Variants in KCNJ6 observed in about 807,000 individuals in gnomAD.
KCNJ6 encodes the protein potassium inwardly rectifying channel subfamily J member 6, also known as G protein-activated inward rectifier potassium channel 2.
A neutral mutation model predicts 34.2 loss-of-function variants in KCNJ6; 9 were observed. The ratio of observed to expected loss-of-function variants is 0.26; its 90% CI spans 0.16 to 0.46. The LOEUF (loss-of-function observed/expected upper bound fraction) is 0.46. Ranked by LOEUF, KCNJ6 falls within the 20% of genes least tolerant of loss-of-function variation. KCNJ6 has a pLI of 1.00. For synonymous variants in KCNJ6, 196 were observed against 207.1 expected (o/e 0.95, Z 0.46); for missense variants, 236 against 531.3 (o/e 0.44, Z 5.46).
chr21:37,810,568 C>T (rs73206070), intron 2 of KCNJ6, among the ~76,000 whole-genome samples: 10,169 of 152,228 alleles, frequency 0.067, 436 homozygotes, highest in Middle Eastern at 0.11. Flanking sequence ...AATCTTGGCC[C>T]ATTTAACAGG....
At chr21:37,850,773 C>T (rs569498360) in intron 1 of KCNJ6, among the ~76,000 whole-genome samples, 226 of 152,142 alleles carry the variant, frequency 1.5e-3, no homozygotes, top group Non-Finnish European at 2.7e-3. Context: ...ATTACGGAGC[C>T]CCATGCAAAG....
chr21:37,670,524 G>A (rs746416133), intron 3 of KCNJ6, among the ~76,000 whole-genome samples: 16 of 152,120 alleles, frequency 1.1e-4, no homozygotes, highest in Admixed American at 5.2e-4. Context: ...CAGCACTTTG[G>A]GAGGCTGAGG....
At chr21:37,890,813 C>T (rs766665215) in intron 1 of KCNJ6, among the ~76,000 whole-genome samples, 15 of 152,086 alleles carry the variant, frequency 9.9e-5, no homozygotes, top group East Asian at 3.8e-4. Context: ...TGACTCTGCC[C>T]GCCTCCCCCG....
chr21:37,800,941 G>T (rs2055266220), intron 2 of KCNJ6, among the ~76,000 whole-genome samples: 1 of 152,186 alleles, frequency 6.6e-6, no homozygotes, highest in Non-Finnish European at 1.5e-5. Flanking sequence ...GAACTACAGG[G>T]AACTGGATGC....
At chr21:37,654,811 C>T (rs2054450107) in intron 3 of KCNJ6, among the ~76,000 whole-genome samples, 1 of 152,170 alleles carries the variant, frequency 6.6e-6, no homozygotes, top group Admixed American at 6.5e-5. Context: ...ATCCTGTCTG[C>T]ACAGCCCCTG....
At chr21:37,784,911 T>C (rs1241443378) in intron 2 of KCNJ6, among the ~76,000 whole-genome samples, 1 of 152,208 alleles carries the variant, frequency 6.6e-6, no homozygotes. Context: ...GTCAGCTCTT[T>C]GGAGCCTCAC....
At chr21:37,748,925 T>C (rs1346670429) in intron 2 of KCNJ6, among the ~76,000 whole-genome samples, 1 of 152,190 alleles carries the variant, frequency 6.6e-6, no homozygotes, top group East Asian at 1.9e-4. Context: ...GAGTGGTCTT[T>C]GCACTGTGCT....
At chr21:37,879,714 A>AGTGTGTGT (rs56736533) in intron 1 of KCNJ6, among the ~76,000 whole-genome samples, 58 of 143,378 alleles carry the variant, frequency 4.0e-4, no homozygotes, top group African/African-American at 8.1e-4. Flanking sequence ...CTTGAAATGA[A>AGTGTGTGT]GTGTGTGTGT....
chr21:37,915,107 G>A (rs1401726740), intron 1 of KCNJ6, among the ~76,000 whole-genome samples: 3 of 152,036 alleles, frequency 2.0e-5, no homozygotes, highest in Non-Finnish European at 4.4e-5. Context: ...CTTTTATTGG[G>A]TTTTGGGAAT....
intron 2 of KCNJ6, among the ~76,000 whole-genome samples, chr21:37,756,457 G>C (rs560167612): frequency 9.6e-4 from 146 of 152,306 alleles, no homozygotes; most frequent in African/African-American, 3.4e-3. Context: ...GCGCAGTCTG[G>C]GTGAGGGGTC....
intron 2 of KCNJ6, among the ~76,000 whole-genome samples, chr21:37,720,087 T>C (rs1245098983): frequency 1.5e-5 from 2 of 132,456 alleles, no homozygotes; most frequent in East Asian, 2.2e-4. Flanking sequence ...TGAATGTTAA[T>C]AGGGCAATTT....
chr21:37,789,037 CCA>C (rs1298839508), intron 2 of KCNJ6, among the ~76,000 whole-genome samples: 1 of 152,208 alleles, frequency 6.6e-6, no homozygotes, highest in African/African-American at 2.4e-5. Flanking sequence ...AGACTCTTTT[CCA>C]CAGTCTCCTC....
At chr21:37,664,794 T>TA (rs2054506260) in intron 3 of KCNJ6, among the ~76,000 whole-genome samples, 1 of 6,682 alleles carries the variant, frequency 1.5e-4, no homozygotes, top group Non-Finnish European at 2.4e-4. Context: ...GAATATTCCT[T>TA]TTTTTTTTTT....
At chr21:37,732,266 G>A (rs2054889318) in intron 2 of KCNJ6, among the ~76,000 whole-genome samples, 1 of 152,196 alleles carries the variant, frequency 6.6e-6, no homozygotes, top group African/African-American at 2.4e-5. Flanking sequence ...AGGGTGTGTG[G>A]GGCTGGCCAG....
rs2054229906 is a variant in KCNJ6, at chr21:37,607,908, T to C, written c.*17251A>G. 1 of 152,260 alleles carries C rather than the reference T, an allele frequency of 6.6e-6. No homozygotes were observed. The highest frequency in any genetic ancestry group is 6.5e-5 in the Admixed American group (1 of 15,290). The allele number at this position is 152,260 out of a possible 1,614,324, so 9.4% of individuals were successfully genotyped here. On this transcript the variant is annotated 3_prime_UTR_variant, in exon 4 of 4. Coordinates refer to ENST00000609713, the MANE Select transcript of KCNJ6 (RefSeq NM_002240.5). ...CCTTCTAAAATAAACTCTTGTTTTG[T>C]GATTTTGCTGGACACATGATGGTTT...
chr21:37,796,389 C>T (rs1053879507), intron 2 of KCNJ6, among the ~76,000 whole-genome samples: 3 of 152,176 alleles, frequency 2.0e-5, no homozygotes, highest in Non-Finnish European at 2.9e-5. Flanking sequence ...ATTTTGAAAG[C>T]GGCAAAGTGG....
intron 1 of KCNJ6, among the ~76,000 whole-genome samples, chr21:37,854,231 AAG>A (rs377467955): frequency 4.6e-5 from 7 of 152,204 alleles, no homozygotes; most frequent in African/African-American, 1.7e-4. Context: ...TGAAAGTAAA[AAG>A]ATGGAAAAAG....
intron 2 of KCNJ6, among the ~76,000 whole-genome samples, chr21:37,817,460 C>G (rs2055352224): frequency 6.6e-6 from 1 of 152,144 alleles, no homozygotes; most frequent in Non-Finnish European, 1.5e-5. Context: ...AATGAGGAAA[C>G]AGAGAGGTTA....
intron 1 of KCNJ6, among the ~76,000 whole-genome samples, chr21:37,855,104 A>G (rs563814325): frequency 2.4e-4 from 36 of 152,356 alleles, no homozygotes; most frequent in African/African-American, 8.4e-4. Context: ...GACCTCAACA[A>G]AAGAATTGAA....
Sources: allele counts gnomAD v4.1 joint callset (sites outside exome capture counted in the v4.1 genomes callset), GRCh38; gene constraint gnomAD v4.1.1; transcripts MANE v1.5; gene names NCBI Gene and HGNC (gene_info 2026-07-23, HGNC 2026-07-21).